Variants in SLC39A11 observed in about 807,000 individuals in gnomAD.
The protein encoded by SLC39A11 is solute carrier family 39 member 11, also known as zinc transporter ZIP11.
Under a neutral mutation model 36.1 loss-of-function variants are expected in SLC39A11, and 33 were observed. That is an observed-to-expected ratio of 0.91 (90% confidence interval 0.69 to 1.22). The LOEUF is 1.22. Among genes scored for constraint, SLC39A11 ranks in the 50% most tolerant of loss-of-function variants. The pLI, the probability that SLC39A11 is intolerant of heterozygous loss-of-function variation, is 0.00. For synonymous variants in SLC39A11, 166 were observed against 170.3 expected (o/e 0.97, Z 0.20); for missense variants, 432 against 430.3 (o/e 1.00, Z -0.03).
intron 5 of SLC39A11, among the ~76,000 whole-genome samples, chr17:72,894,921 G>A (rs1379513094): frequency 6.6e-6 from 1 of 152,148 alleles, no homozygotes; most frequent in East Asian, 1.9e-4. Context: ...CTTTCTATGT[G>A]ATCCTATAAG....
At chr17:72,850,340 G>A (rs1434192747) in intron 5 of SLC39A11, among the ~76,000 whole-genome samples, 1 of 151,548 alleles carries the variant, frequency 6.6e-6, no homozygotes, top group Non-Finnish European at 1.5e-5. Context: ...TGCAGTCCCA[G>A]CTACTTGGGA....
intron 4 of SLC39A11, among the ~76,000 whole-genome samples, chr17:72,961,890 G>GA (rs1269989163): frequency 4.0e-5 from 6 of 151,718 alleles, no homozygotes; most frequent in Non-Finnish European, 7.4e-5. Context: ...AGTATAATAA[G>GA]AAAAAAAAGA....
chr17:72,861,026 G>A (rs1188769003), intron 5 of SLC39A11, among the ~76,000 whole-genome samples: 1 of 152,170 alleles, frequency 6.6e-6, no homozygotes, highest in Non-Finnish European at 1.5e-5. Flanking sequence ...TCTAGTTTCT[G>A]CCACGAACTA....
At chr17:72,764,052 C>A (rs2075682884) in intron 6 of SLC39A11, among the ~76,000 whole-genome samples, 1 of 152,070 alleles carries the variant, frequency 6.6e-6, no homozygotes, top group South Asian at 2.1e-4. Context: ...GGATCTAGTG[C>A]CTGATTTCCT....
At chr17:72,843,700 G>T (rs1476249385) in intron 6 of SLC39A11, among the ~76,000 whole-genome samples, 2 of 152,136 alleles carry the variant, frequency 1.3e-5, no homozygotes, top group Non-Finnish European at 2.9e-5. Context: ...CCATTGTATG[G>T]CATTTTGTAA....
intron 3 of SLC39A11, among the ~76,000 whole-genome samples, chr17:73,045,430 T>C (rs2059252763): frequency 2.3e-5 from 3 of 131,272 alleles, no homozygotes; most frequent in Admixed American, 8.2e-5. Flanking sequence ...TGCCCAGTCC[T>C]GCTCCAAAAC....
chr17:72,665,061 C>G (rs563929647), intron 7 of SLC39A11, among the ~76,000 whole-genome samples: 2 of 152,322 alleles, frequency 1.3e-5, no homozygotes, highest in Non-Finnish European at 2.9e-5. Context: ...AGGCTTGTAG[C>G]TTCTTTCTCT....
intron 4 of SLC39A11, among the ~76,000 whole-genome samples, chr17:72,995,770 C>T (rs757306555): frequency 2.6e-5 from 4 of 152,180 alleles, no homozygotes; most frequent in Non-Finnish European, 4.4e-5. Context: ...ATGAATTACA[C>T]CACTGGCTTT....
At chr17:72,790,115 G>A (rs2076648655) in intron 6 of SLC39A11, among the ~76,000 whole-genome samples, 1 of 152,210 alleles carries the variant, frequency 6.6e-6, no homozygotes, top group South Asian at 2.1e-4. Flanking sequence ...AGGATAACAA[G>A]CCGGGTGGGC....
intron 6 of SLC39A11, among the ~76,000 whole-genome samples, chr17:72,822,714 T>C (rs114242146): frequency 6.0e-4 from 90 of 150,924 alleles, no homozygotes; most frequent in African/African-American, 2.0e-3. Flanking sequence ...CCCTAAACTT[T>C]TTTTCTTTCT....
intron 6 of SLC39A11, among the ~76,000 whole-genome samples, chr17:72,834,837 T>C (rs1196527140): frequency 2.6e-5 from 4 of 152,204 alleles, no homozygotes; most frequent in African/African-American, 9.7e-5. Context: ...GACGTGGAAA[T>C]GAGTCTTGAT....
At chr17:72,945,917 C>A (rs1340070921) in intron 5 of SLC39A11, among the ~76,000 whole-genome samples, 1 of 152,210 alleles carries the variant, frequency 6.6e-6, no homozygotes, top group African/African-American at 2.4e-5. Context: ...CCACCTTCCC[C>A]CGACCCCACC....
chr17:72,836,592 C>T (rs1236014015), intron 6 of SLC39A11, among the ~76,000 whole-genome samples: 1 of 152,106 alleles, frequency 6.6e-6, no homozygotes, highest in South Asian at 2.1e-4. Flanking sequence ...TCACCTGCTT[C>T]GGCCTCCTAA....
intron 6 of SLC39A11, among the ~76,000 whole-genome samples, chr17:72,836,760 G>A (rs907896682): frequency 3.9e-5 from 6 of 152,094 alleles, no homozygotes; most frequent in African/African-American, 4.8e-5. Context: ...AAAGGCCCCC[G>A]TAAGTGGCAG....
chr17:72,857,452 A>G (rs759786056), intron 5 of SLC39A11, among the ~76,000 whole-genome samples: 2 of 152,166 alleles, frequency 1.3e-5, no homozygotes, highest in African/African-American at 4.8e-5. Flanking sequence ...ATTGATGTGC[A>G]TGTGTCTTTA....
intron 6 of SLC39A11, among the ~76,000 whole-genome samples, chr17:72,836,082 G>A (rs1287501815): frequency 6.6e-6 from 1 of 152,184 alleles, no homozygotes; most frequent in Non-Finnish European, 1.5e-5. Flanking sequence ...TTCCTGCCCA[G>A]GTTTCCCTGC....
chr17:72,950,436 T>C (rs1293238586), intron 4 of SLC39A11, among the ~76,000 whole-genome samples: 1 of 152,146 alleles, frequency 6.6e-6, no homozygotes, highest in African/African-American at 2.4e-5. Context: ...GAAACCCCCC[T>C]CCCTAACCCT....
chr17:72,900,691 T>G (rs763185822), intron 5 of SLC39A11, among the ~76,000 whole-genome samples: 1 of 151,966 alleles, frequency 6.6e-6, no homozygotes, highest in Admixed American at 6.6e-5. Flanking sequence ...GAGGAAATAG[T>G]GGTAAGTAAC....
chr17:72,807,135 G>C (rs2077281485), intron 6 of SLC39A11, among the ~76,000 whole-genome samples: 1 of 151,942 alleles, frequency 6.6e-6, no homozygotes, highest in African/African-American at 2.4e-5. Context: ...TTTCATTATT[G>C]ATAGCATCCT....
Sources: allele counts gnomAD v4.1 joint callset (sites outside exome capture counted in the v4.1 genomes callset), GRCh38; gene constraint gnomAD v4.1.1; transcripts MANE v1.5; gene names NCBI Gene and HGNC (gene_info 2026-07-23, HGNC 2026-07-21).